Variants in IMPG2 observed in about 807,000 individuals in gnomAD.
IMPG2 encodes interphotoreceptor matrix proteoglycan 2.
Under a neutral mutation model 129.2 loss-of-function variants are expected in IMPG2, and 91 were observed. The ratio of observed to expected loss-of-function variants is 0.70; its 90% CI spans 0.59 to 0.84. IMPG2 has a LOEUF of 0.84. Ranked by LOEUF, IMPG2 falls within the 40% of genes least tolerant of loss-of-function variation. The pLI is 0.00. For missense variants in IMPG2, 1,430 were observed against 1,461.7 expected (o/e 0.98, Z 0.35); for synonymous variants, 510 against 517.7 (o/e 0.99, Z 0.20).
chr3:101,304,694 G>A (rs1445687181), intron 2 of IMPG2, among the ~76,000 whole-genome samples: 5 of 152,056 alleles, frequency 3.3e-5, no homozygotes, highest in African/African-American at 1.2e-4. Flanking sequence ...GTTTGCAGAT[G>A]TTCTCCTGAA....
intron 11 of IMPG2, among the ~76,000 whole-genome samples, chr3:101,249,193 C>CT (rs1706517610): frequency 6.6e-6 from 1 of 152,128 alleles, no homozygotes; most frequent in Non-Finnish European, 1.5e-5. Context: ...CCTCAACATT[C>CT]TTTTTTTGCT....
At chr3:101,236,315 A>G (rs959314835) in intron 14 of IMPG2, among the ~76,000 whole-genome samples, 11 of 152,232 alleles carry the variant, frequency 7.2e-5, no homozygotes, top group African/African-American at 2.4e-4. Flanking sequence ...GCTAATTTGA[A>G]TATTAAAAGT....
At chr3:101,265,360 A>G (rs1166335761) in intron 9 of IMPG2, among the ~76,000 whole-genome samples, 2 of 152,328 alleles carry the variant, frequency 1.3e-5, no homozygotes, top group East Asian at 3.9e-4. Context: ...CACACGGATC[A>G]GTGGAACAGA....
intron 4 of IMPG2, among the ~76,000 whole-genome samples, chr3:101,278,031 T>C (rs1004024386): frequency 6.6e-6 from 1 of 152,176 alleles, no homozygotes; most frequent in African/African-American, 2.4e-5. Context: ...GGCCAGCAGT[T>C]CGAGACCAGC....
At position 101,284,744 on chromosome 3, in the gene IMPG2, G is replaced by T. The variant is rs116205788; in HGVS notation, c.533+6735C>A. On this transcript the variant is annotated intron_variant, in intron 4 of 18. Coordinates refer to ENST00000193391, the MANE Select transcript of IMPG2 (RefSeq NM_016247.4). ...CACAGGATTTCAATGCACTTCCAAT[G>T]CCATCTGCTTACTGTAGTTACCATC... 2.1e-3 allele frequency among the ~76,000 whole-genome samples: 320 copies of T among 152,260 alleles called. 2 individuals are homozygous for T. Among genetic ancestry groups the T allele is most frequent in the African/African-American group, 7.5e-3 (311 of 41,560 alleles).
At chr3:101,265,318 C>T (rs1165827525) in intron 9 of IMPG2, among the ~76,000 whole-genome samples, 1 of 152,096 alleles carries the variant, frequency 6.6e-6, no homozygotes, top group Non-Finnish European at 1.5e-5. Flanking sequence ...CTGTAGTCAT[C>T]AAAACAGCCT....
At chr3:101,263,260 G>A (rs1448029294) in intron 9 of IMPG2, among the ~76,000 whole-genome samples, 1 of 151,854 alleles carries the variant, frequency 6.6e-6, no homozygotes, top group Non-Finnish European at 1.5e-5. Flanking sequence ...AATACACACT[G>A]TTTTCATCAG....
chr3:101,291,342 G>C, intron 4 of IMPG2, 137 bp downstream of exon 4: 1 of 755,874 alleles, frequency 1.3e-6, no homozygotes, highest in East Asian at 2.6e-5. Context: ...AAAAATATTT[G>C]GGACTTATCC....
chr3:101,261,646 G>A (rs1469172641), intron 9 of IMPG2, among the ~76,000 whole-genome samples: 1 of 152,042 alleles, frequency 6.6e-6, no homozygotes, highest in Non-Finnish European at 1.5e-5. Context: ...CCATGTTTTT[G>A]TTCTGGAAAG....
rs768729314 is a variant in IMPG2 at position 101,228,777 on chromosome 3, G to T, written c.3713+20C>A. ...TGTTAAGTCTGTAGGTCGGGGTGGG[G>T]GGCTGTTTCAAAAGCTTACACTTGT... On this transcript the variant is annotated intron_variant, in intron 18 of 18. Transcript: ENST00000193391. The T allele has an allele frequency of 1.3e-6, 2 of 1,596,976 alleles. No individual in the cohort carries two copies. The highest frequency in any genetic ancestry group is 4.5e-5 in the East Asian group (2 of 44,800).
chr3:101,243,547 C>T lies in IMPG2; in HGVS notation c.2784G>A (p.Glu928=). The stretch of plus-strand genomic sequence containing the variant: ...TGCTTACCAATTCTAAGAATCTTTG[C>T]TCCAGGGCTTTATACTCCAAGGAGT... ...NKNSLEYKAL[E]QRFLELLVPY... Residue 928 remains glutamate, a synonymous_variant, in exon 13 of 19, where the codon GAG becomes GAA. Transcript: ENST00000193391. 1 of 1,613,790 alleles carries T rather than the reference C, an allele frequency of 6.2e-7. No individual in the cohort carries two copies. Among genetic ancestry groups the T allele is most frequent in the Non-Finnish European group, 8.5e-7 (1 of 1,179,880 alleles).
Position 101,231,019 on chromosome 3 carries a change from G to A in IMPG2, c.3360C>T (p.Ile1120=), listed in dbSNP as rs1211800794. ...VGLLVIFSAI[I]YFFIRTLQAH... ...CTTGGAGAGTCCTGATGAAGAAGTA[G>A]ATGATAGCAGAAAAGATGACAAGAA... The change falls in exon 16 of 19, where the codon ATC becomes ATT. Residue 1120 remains isoleucine, a synonymous_variant. Transcript: ENST00000193391. 1 of 1,614,064 alleles carries A rather than the reference G, an allele frequency of 6.2e-7. No individual in the cohort carries two copies. Among genetic ancestry groups the A allele is most frequent in the South Asian group, 1.1e-5 (1 of 91,084 alleles).
intron 12 of IMPG2, among the ~76,000 whole-genome samples, chr3:101,245,161 C>T (rs1481641545): frequency 6.6e-6 from 1 of 152,114 alleles, no homozygotes; most frequent in Non-Finnish European, 1.5e-5. Flanking sequence ...TTTGAATTCT[C>T]ATTTTGCCTG....
chr3:101,309,389 C>T (rs779544669), intron 2 of IMPG2, among the ~76,000 whole-genome samples: 35 of 152,132 alleles, frequency 2.3e-4, no homozygotes, highest in Non-Finnish European at 4.4e-4. Flanking sequence ...TTCTGCATGG[C>T]TGGGGAGGCC....
intron 10 of IMPG2, among the ~76,000 whole-genome samples, chr3:101,254,341 A>G (rs926861413): frequency 6.6e-6 from 1 of 152,152 alleles, no homozygotes; most frequent in African/African-American, 2.4e-5. Context: ...AGGCTTTGCC[A>G]AAGTTGAGGC....
intron 18 of IMPG2, chr3:101,227,955 A>C: frequency 2.4e-6 from 1 of 416,440 alleles, no homozygotes; most frequent in Non-Finnish European, 4.9e-6. Context: ...TCTTATAAGC[A>C]TGCATGAATT....
chr3:101,269,904 T>C (rs894078517), intron 7 of IMPG2, among the ~76,000 whole-genome samples: 4 of 150,874 alleles, frequency 2.7e-5, no homozygotes, highest in Admixed American at 6.6e-5. Context: ...GAAGCTGTAA[T>C]AGCATTTTAT....
At position 101,319,738 on chromosome 3, in the gene IMPG2, G is replaced by A. The variant is rs79178399; in HGVS notation, c.180C>T (p.Thr60=). 1.2e-6 allele frequency: 2 copies of A among 1,613,438 alleles called. No individual in the cohort carries two copies. Among genetic ancestry groups the A allele is most frequent in the African/African-American group, 1.3e-5 (1 of 74,856 alleles). The change falls in exon 2 of 19, where the codon ACC becomes ACT. Residue 60 remains threonine (T), a synonymous_variant. Transcript: ENST00000193391. The stretch of plus-strand genomic sequence containing the variant: ...TGCGGTCCAGAGGCTGTTTCTTTTT[G>A]GTAGCTAGAGAAAGGTCTGTTGATT... ...PEESTDLSLA[T]KKKQPLDRRE...
intron 4 of IMPG2, among the ~76,000 whole-genome samples, chr3:101,284,759 T>C (rs965727937): frequency 1.3e-5 from 2 of 152,166 alleles, no homozygotes; most frequent in African/African-American, 2.4e-5. Context: ...CTGCTTACTG[T>C]AGTTACCATC....
Sources: allele counts gnomAD v4.1 joint callset (sites outside exome capture counted in the v4.1 genomes callset), GRCh38; gene constraint gnomAD v4.1.1; transcripts MANE v1.5; gene names NCBI Gene and HGNC (gene_info 2026-07-23, HGNC 2026-07-21).